The following NGLY1 variants were observed in gnomAD, a reference collection of about 807,000 sequenced individuals.
NGLY1 encodes N-glycanase 1.
NGLY1 carries 68 observed loss-of-function variants against 84.6 expected under a neutral mutation model. That is an observed-to-expected ratio of 0.80 (90% CI 0.66 to 0.98). The LOEUF (loss-of-function observed/expected upper bound fraction) is 0.98. Among genes scored for constraint, NGLY1 ranks in the 50% least tolerant of loss-of-function variants. NGLY1 has a pLI of 0.00. For synonymous variants in NGLY1, 280 were observed against 275.2 expected, an observed-to-expected ratio of 1.02 and a Z score of -0.17; for missense variants, 779 against 770.2, an observed-to-expected ratio of 1.01 and a Z score of -0.14.
At chr3:25,759,064 C>T (rs745968626) in intron 3 of NGLY1, among the ~76,000 whole-genome samples, 3 of 152,140 alleles carry the variant, frequency 2.0e-5, no homozygotes, top group Non-Finnish European at 4.4e-5. Flanking sequence ...GGTTTAAATG[C>T]CACTAGGAAG....
chr3:25,723,994 G>A (rs1305584641), intron 10 of NGLY1, among the ~76,000 whole-genome samples: 1 of 152,180 alleles, frequency 6.6e-6, no homozygotes, highest in Admixed American at 6.6e-5. Flanking sequence ...AGACCTGTGT[G>A]TCTACGGTTT....
intron 10 of NGLY1, among the ~76,000 whole-genome samples, chr3:25,726,335 C>A (rs1705260998): frequency 6.6e-6 from 1 of 152,150 alleles, no homozygotes; most frequent in South Asian, 2.1e-4. Flanking sequence ...AAGACAAGGT[C>A]TCTCCCTAAG....
Position 25,732,460 on chromosome 3 carries a change from G to GC in NGLY1, c.1283_1284insG (p.Asn428LysfsTer16). On this transcript the variant is annotated frameshift_variant, in exon 9 of 12. Transcript: ENST00000280700. LOFTEE classifies it high-confidence loss of function. ...TCCTCTGGAGAAGTTCTTTCCTTCTGTTTTCTGACAAAAACAGTTGCCTCT... is the reference window on the plus strand; with the variant it reads ...TCCTCTGGAGAAGTTCTTTCCTTCTGCTTTTCTGACAAAAACAGTTGCCTCT... The GC allele has an allele frequency of 6.2e-7, 1 of 1,612,840 alleles. No homozygotes were observed. Among genetic ancestry groups the GC allele is most frequent in the Non-Finnish European group, 8.5e-7 (1 of 1,179,412 alleles).
intron 2 of NGLY1, among the ~76,000 whole-genome samples, chr3:25,772,819 C>T (rs1384522120): frequency 6.6e-6 from 1 of 152,062 alleles, no homozygotes; most frequent in African/African-American, 2.4e-5. Flanking sequence ...TCTTGTAGTG[C>T]TAGCTTGGTA....
chr3:25,734,881 C>A, intron 7 of NGLY1: 1 of 876,170 alleles, frequency 1.1e-6, no homozygotes, highest in South Asian at 5.2e-5. Flanking sequence ...GCTGATTCCA[C>A]AAAATTCAAC....
chr3:25,771,964 T>C (rs1222465044), intron 2 of NGLY1, among the ~76,000 whole-genome samples: 5 of 152,180 alleles, frequency 3.3e-5, no homozygotes, highest in African/African-American at 1.2e-4. Flanking sequence ...TATATGATCA[T>C]ATCATCAGCA....
At position 25,751,147 on chromosome 3, in the gene NGLY1, T is replaced by A; in HGVS notation, c.609A>T (p.Leu203=). The change falls in exon 4 of 12, where the codon CTA becomes CTT. Residue 203 remains leucine (L), a synonymous_variant. Coordinates refer to ENST00000280700, the MANE Select transcript of NGLY1 (RefSeq NM_018297.4). The part of the protein sequence containing the change: ...KALACIPVQE[L]KRKSQEKLSR... ...ATAACTTTTCTTGTGATTTCCTTTTTAGTTCTTGGACCGGAATACAAGCCA... is the reference window on the plus strand; with the variant it reads ...ATAACTTTTCTTGTGATTTCCTTTTAAGTTCTTGGACCGGAATACAAGCCA... 6.2e-7 allele frequency: 1 copy of A among 1,613,830 alleles called. No individual in the cohort carries two copies. The highest frequency in any genetic ancestry group is 8.5e-7 in the Non-Finnish European group (1 of 1,179,864).
chr3:25,749,494 G>A lies in NGLY1; in HGVS notation c.658+1604C>T, dbSNP rs190996962. 199 of 1,569,174 alleles carry A rather than the reference G, an allele frequency of 1.3e-4. 1 individual carries two copies. The highest frequency in any genetic ancestry group is 2.0e-4 in the Admixed American group (12 of 59,754). ...CCATCTCCTCTTCGGCCTCATGGCC[G>A]CCCTCAGACCCCTTGTGAAGCCCAA... On this transcript the variant is annotated intron_variant, in intron 4 of 11. Transcript: ENST00000280700.
intron 3 of NGLY1, among the ~76,000 whole-genome samples, chr3:25,754,302 T>C (rs1344763820): frequency 2.0e-5 from 3 of 151,916 alleles, no homozygotes; most frequent in Non-Finnish European, 4.4e-5. Flanking sequence ...TGTGGCACAA[T>C]AGGAAGGATG....
chr3:25,720,186 ATATACC>A lies in NGLY1; in HGVS notation c.1612-1_1616del. ...AAGATGATCCTTCCTTTCGGGCCAA[ATATACC>A]TATAAGGAGTAGGGATGGGGAGAAA... On this transcript the variant is annotated splice_acceptor_variant and coding_sequence_variant, in exon 11 of 12. Transcript: ENST00000280700. LOFTEE classifies it high-confidence loss of function. 1 of 1,613,140 alleles carries A rather than the reference ATATACC, an allele frequency of 6.2e-7. No homozygotes were observed. The highest frequency in any genetic ancestry group is 8.5e-7 in the Non-Finnish European group (1 of 1,179,272).
At position 25,745,412 on chromosome 3, in the gene NGLY1, G is replaced by C. The variant is rs534257462; in HGVS notation, c.659-5613C>G. ...CATCCTGAAGTGTATTTCAAGGCTT[G>C]ACTTCTTATCGAATTTCCAGGCCTA... On this transcript the variant is annotated intron_variant, in intron 4 of 11. Transcript: ENST00000280700. Among the ~76,000 whole-genome samples the C allele has an allele frequency of 2.0e-4, 31 of 152,248 alleles. No homozygotes were observed. In the South Asian group the frequency reaches 5.4e-3, roughly 26 times the overall value.
chr3:25,780,777 C>T (rs1257358025), intron 1 of NGLY1, among the ~76,000 whole-genome samples: 1 of 151,878 alleles, frequency 6.6e-6, no homozygotes, highest in Admixed American at 6.6e-5. Flanking sequence ...AGCCACCACG[C>T]CTGGCTATTT....
intron 4 of NGLY1, among the ~76,000 whole-genome samples, chr3:25,747,445 C>T (rs1001849417): frequency 1.1e-4 from 17 of 151,914 alleles, no homozygotes; most frequent in African/African-American, 4.1e-4. Flanking sequence ...AGCCAGTCAT[C>T]AAAAATTGAA....
At chr3:25,741,930 G>C (rs1170148091) in intron 4 of NGLY1, among the ~76,000 whole-genome samples, 2 of 152,132 alleles carry the variant, frequency 1.3e-5, no homozygotes, top group East Asian at 1.9e-4. Context: ...GAACCTGGGA[G>C]GCGGAGGTTG....
At chr3:25,722,835 T>C (rs1357358032) in intron 10 of NGLY1, among the ~76,000 whole-genome samples, 1 of 152,138 alleles carries the variant, frequency 6.6e-6, no homozygotes, top group Non-Finnish European at 1.5e-5. Context: ...TCCTAAACTA[T>C]TAGGCATCTG....
intron 4 of NGLY1, 43 bp from the exon 5 acceptor site, chr3:25,739,842 A>C (rs1415440117): frequency 7.2e-7 from 1 of 1,397,948 alleles, no homozygotes; most frequent in African/African-American, 1.4e-5. Context: ...AAAACTGACA[A>C]AATTTAAACT....
At chr3:25,735,781 T>A (rs938199777) in intron 7 of NGLY1, 1 of 386,040 alleles carries the variant, frequency 2.6e-6, no homozygotes, top group Non-Finnish European at 4.6e-6. Flanking sequence ...AACTGGGAAC[T>A]ACCCAAATAG....
intron 9 of NGLY1, among the ~76,000 whole-genome samples, chr3:25,731,643 A>G (rs943575868): frequency 3.9e-5 from 6 of 152,168 alleles, no homozygotes; most frequent in Non-Finnish European, 8.8e-5. Flanking sequence ...ACGTGAATAT[A>G]AATGTTCAGA....
At chr3:25,738,642 G>C (rs1705966139) in intron 5 of NGLY1, among the ~76,000 whole-genome samples, 1 of 149,282 alleles carries the variant, frequency 6.7e-6, no homozygotes. Flanking sequence ...TTTTTTTTGA[G>C]ACAAAGTCTC....
Sources: allele counts gnomAD v4.1 joint callset (sites outside exome capture counted in the v4.1 genomes callset), GRCh38; gene constraint gnomAD v4.1.1; transcripts MANE v1.5; gene names NCBI Gene and HGNC (gene_info 2026-07-23, HGNC 2026-07-21).